The following C16orf74 variants were observed in gnomAD, a reference collection of about 807,000 sequenced individuals.
The protein encoded by C16orf74 is uncharacterized protein C16orf74.
C16orf74 carries 10 observed loss-of-function variants against 6.5 expected under a neutral mutation model. The observed-to-expected ratio is 1.54, with a 90% confidence interval of 0.95 to 2.61. The LOEUF (loss-of-function observed/expected upper bound fraction) is 2.61, where lower values mean the gene tolerates loss of function less well. Ranked by LOEUF, C16orf74 falls within the 30% of genes most tolerant of loss-of-function variation. C16orf74 has a pLI of 0.00. For synonymous variants in C16orf74, 60 were observed against 42.5 expected (o/e 1.41, Z -1.60); for missense variants, 141 against 105.9 (o/e 1.33, Z -1.45).
At chr16:85,735,169 G>A in intron 2 of C16orf74, 21 bp downstream of exon 2, 1 of 1,598,584 alleles carries the variant, frequency 6.3e-7, no homozygotes. Context: ...GAGCTGGTGG[G>A]GGCAGAGCTT....
chr16:85,750,571 C>T (rs1051963045), intron 1 of C16orf74, among the ~76,000 whole-genome samples: 5 of 152,212 alleles, frequency 3.3e-5, no homozygotes, highest in African/African-American at 1.2e-4. Context: ...GGCTGCCTTC[C>T]AGCTCTCAGG....
chr16:85,740,188 GCGACAAGAA>G (rs2054288220), intron 1 of C16orf74, among the ~76,000 whole-genome samples: 1 of 128,788 alleles, frequency 7.8e-6, no homozygotes, highest in African/African-American at 3.0e-5. Context: ...CATAGGCTGG[GCGACAAGAA>G]CGAGACTTTG....
At chr16:85,723,733 G>A in intron 2 of C16orf74, among the ~76,000 whole-genome samples, 1 of 152,252 alleles carries the variant, frequency 6.6e-6, no homozygotes, top group East Asian at 1.9e-4. Context: ...GGGTGGTGGG[G>A]CGTGCACGTA....
chr16:85,719,952 G>T (rs1176610618), intron 2 of C16orf74, among the ~76,000 whole-genome samples: 5 of 152,124 alleles, frequency 3.3e-5, no homozygotes, highest in Admixed American at 6.5e-5. Context: ...TGAGCGGGGT[G>T]ACACTAATCC....
chr16:85,739,431 G>A (rs947126864), intron 1 of C16orf74, among the ~76,000 whole-genome samples: 3 of 152,326 alleles, frequency 2.0e-5, no homozygotes, highest in Admixed American at 6.5e-5. Flanking sequence ...AGTTCTCACA[G>A]AAAGAATGAT....
intron 1 of C16orf74, among the ~76,000 whole-genome samples, chr16:85,737,961 A>ATTT (rs34329302): frequency 3.1e-4 from 43 of 136,914 alleles, no homozygotes; most frequent in South Asian, 2.8e-3. Flanking sequence ...TTTTTTTGTG[A>ATTT]TTTTTTTTTT....
At chr16:85,742,911 G>A (rs548258561) in intron 1 of C16orf74, among the ~76,000 whole-genome samples, 27 of 152,274 alleles carry the variant, frequency 1.8e-4, no homozygotes, top group African/African-American at 6.3e-4. Context: ...GACTAAGACA[G>A]GTGTCACCTC....
At chr16:85,710,381 C>A in intron 2 of C16orf74, 74 bp from the exon 3 acceptor site, 4 of 1,387,488 alleles carry the variant, frequency 2.9e-6, no homozygotes, top group Non-Finnish European at 3.7e-6. Context: ...CGCCGGGAAC[C>A]GCGGGCGCCA....
At chr16:85,745,141 A>T (rs1469610980) in intron 1 of C16orf74, among the ~76,000 whole-genome samples, 4 of 57,580 alleles carry the variant, frequency 6.9e-5, no homozygotes, top group Admixed American at 1.7e-4. Context: ...ACTCTGTCTA[A>T]AAAAAAAAAA....
chr16:85,707,687 G>A lies in C16orf74; in HGVS notation c.*321C>T. Reference sequence around the variant, plus strand: ...GTTTGCACAGCCCTGGGGGCTGGGAGGGTGTGTTTGTCCAGAAGAGAGCCT... The same window carrying A: ...GTTTGCACAGCCCTGGGGGCTGGGAAGGTGTGTTTGTCCAGAAGAGAGCCT... On this transcript the variant is annotated 3_prime_UTR_variant, in exon 4 of 4. Transcript: ENST00000284245. The A allele has an allele frequency of 2.7e-6, 1 of 366,246 alleles. No individual in the cohort carries two copies. The highest frequency in any genetic ancestry group is 4.6e-5 in the South Asian group (1 of 21,664). The allele number at this position is 366,246 out of a possible 1,614,324, so 22.7% of individuals were successfully genotyped here.
intron 2 of C16orf74, among the ~76,000 whole-genome samples, chr16:85,718,731 C>T (rs931537009): frequency 6.6e-6 from 1 of 152,232 alleles, no homozygotes; most frequent in Non-Finnish European, 1.5e-5. Flanking sequence ...TCGCTGTGCA[C>T]ACGTAATAAA....
At chr16:85,729,482 T>A (rs554893327) in intron 2 of C16orf74, among the ~76,000 whole-genome samples, 1 of 152,190 alleles carries the variant, frequency 6.6e-6, no homozygotes, top group Non-Finnish European at 1.5e-5. Context: ...AGAGTCTTTG[T>A]TGCCAGACAG....
chr16:85,729,744 A>G (rs957185692), intron 2 of C16orf74, among the ~76,000 whole-genome samples: 2 of 152,308 alleles, frequency 1.3e-5, no homozygotes, highest in Middle Eastern at 3.4e-3. Context: ...ATGCAGGGCA[A>G]CATGAAGAGA....
intron 2 of C16orf74, among the ~76,000 whole-genome samples, chr16:85,721,343 G>A (rs1454673073): frequency 6.6e-6 from 1 of 152,106 alleles, no homozygotes; most frequent in African/African-American, 2.4e-5. Context: ...TGTCCTGTGT[G>A]TCAGGCAATG....
intron 2 of C16orf74, among the ~76,000 whole-genome samples, chr16:85,733,270 A>G (rs1011562121): frequency 6.6e-6 from 1 of 152,240 alleles, no homozygotes; most frequent in Non-Finnish European, 1.5e-5. Flanking sequence ...GAGCCTAGAA[A>G]ACACCACACT....
intron 2 of C16orf74, among the ~76,000 whole-genome samples, chr16:85,714,567 C>A (rs1404537917): frequency 6.6e-6 from 1 of 151,836 alleles, no homozygotes; most frequent in South Asian, 2.1e-4. Flanking sequence ...TTACAGGCGC[C>A]TGCCACCACA....
At chr16:85,735,158 AGAGCT>A (rs1286255808) in intron 2 of C16orf74, 27 bp downstream of exon 2, 3 of 1,589,756 alleles carry the variant, frequency 1.9e-6, no homozygotes, top group Non-Finnish European at 2.6e-6. Flanking sequence ...CTCTGCCATG[AGAGCT>A]GGTGGGGGCA....
At chr16:85,711,320 A>AC (rs1162827799) in intron 2 of C16orf74, among the ~76,000 whole-genome samples, 81 of 150,772 alleles carry the variant, frequency 5.4e-4, no homozygotes, top group African/African-American at 1.9e-3. Flanking sequence ...CATCTTAAAA[A>AC]AAAAAAAAAA....
intron 2 of C16orf74, among the ~76,000 whole-genome samples, chr16:85,725,816 C>T (rs1353107165): frequency 6.6e-6 from 1 of 152,160 alleles, no homozygotes; most frequent in African/African-American, 2.4e-5. Context: ...GTTGCCCAGA[C>T]TGGTCTCAAA....
Sources: gnomAD v4.1 joint callset for allele counts (sites outside exome capture counted in the v4.1 genomes callset) on GRCh38, gnomAD v4.1.1 for gene constraint, MANE v1.5 for transcripts, NCBI Gene and HGNC (gene_info 2026-07-23, HGNC 2026-07-21) for gene names.